DENND1A: variants seen among roughly 807,000 people sequenced by gnomAD.
DENND1A encodes the protein DENN domain containing 1A.
A neutral mutation model predicts 113.7 loss-of-function variants in DENND1A; 51 were observed. The observed-to-expected ratio is 0.45, with a 90% CI of 0.36 to 0.57. DENND1A has a LOEUF of 0.57. DENND1A is among the 20% of genes least tolerant of loss of function. DENND1A has a pLI of 0.00. For synonymous variants in DENND1A, 565 were observed against 570.8 expected (o/e 0.99, Z 0.14); for missense variants, 1,258 against 1,395.9 (o/e 0.90, Z 1.57).
At chr9:123,439,038 C>T (rs1440796876) in intron 19 of DENND1A, among the ~76,000 whole-genome samples, 2 of 152,174 alleles carry the variant, frequency 1.3e-5, no homozygotes, top group Admixed American at 1.3e-4. Context: ...AGGAAGCTGA[C>T]TCTGGAATGC....
chr9:123,784,196 C>T (rs1467203791), intron 3 of DENND1A, among the ~76,000 whole-genome samples: 1 of 152,182 alleles, frequency 6.6e-6, no homozygotes, highest in Non-Finnish European at 1.5e-5. Flanking sequence ...CAAAGTCAGA[C>T]TGTGACCAGC....
chr9:123,400,868 T>C (rs187423693), intron 21 of DENND1A: 15 of 152,282 alleles, frequency 9.9e-5, no homozygotes, highest in African/African-American at 3.1e-4. Flanking sequence ...TAATGTGCAA[T>C]TGGAAGTGAG....
At chr9:123,808,533 A>C (rs922121364) in intron 2 of DENND1A, among the ~76,000 whole-genome samples, 3 of 152,030 alleles carry the variant, frequency 2.0e-5, no homozygotes, top group Non-Finnish European at 4.4e-5. Context: ...GGCAAACGCC[A>C]CTATGCCTGA....
At chr9:123,805,398 T>C (rs1047812687) in intron 2 of DENND1A, among the ~76,000 whole-genome samples, 1 of 152,004 alleles carries the variant, frequency 6.6e-6, no homozygotes, top group African/African-American at 2.4e-5. Context: ...TTATATTTCA[T>C]ATATACCATA....
chr9:123,581,371 T>C (rs958547129), intron 12 of DENND1A, among the ~76,000 whole-genome samples: 14 of 152,150 alleles, frequency 9.2e-5, no homozygotes, highest in Admixed American at 1.3e-4. Flanking sequence ...CAGTGGCTCA[T>C]GCTTGTAATC....
At chr9:123,651,323 A>C (rs1474582713) in intron 9 of DENND1A, among the ~76,000 whole-genome samples, 1 of 152,274 alleles carries the variant, frequency 6.6e-6, no homozygotes, top group East Asian at 1.9e-4. Context: ...TCTAAAATTA[A>C]AGCAAGCCTG....
chr9:123,695,840 A>C (rs1031898025), intron 5 of DENND1A, among the ~76,000 whole-genome samples: 2 of 152,252 alleles, frequency 1.3e-5, no homozygotes, highest in African/African-American at 4.8e-5. Context: ...TTCTAAAATT[A>C]AGTAGAAATG....
intron 13 of DENND1A, among the ~76,000 whole-genome samples, chr9:123,554,121 C>A (rs974082486): frequency 3.9e-5 from 6 of 152,238 alleles, no homozygotes; most frequent in Non-Finnish European, 8.8e-5. Flanking sequence ...TCAGCACACC[C>A]TGGCAGGCTC....
intron 8 of DENND1A, among the ~76,000 whole-genome samples, chr9:123,665,601 C>T (rs4552982): frequency 0.24 from 35,906 of 151,964 alleles, 4,702 homozygotes; most frequent in Admixed American, 0.28. Context: ...GTTCTATAGA[C>T]GACACTTGGA....
At chr9:123,752,874 TA>T (rs1163424283) in intron 5 of DENND1A, among the ~76,000 whole-genome samples, 2 of 152,238 alleles carry the variant, frequency 1.3e-5, no homozygotes, top group African/African-American at 4.8e-5. Flanking sequence ...AACTAATCCG[TA>T]ACTACTGTTC....
chr9:123,741,076 C>A (rs1306370644), intron 5 of DENND1A, among the ~76,000 whole-genome samples: 1 of 152,098 alleles, frequency 6.6e-6, no homozygotes, highest in Non-Finnish European at 1.5e-5. Flanking sequence ...AATTCTTGTA[C>A]CCTCTCAAGG....
chr9:123,453,435 G>C (rs564480272), intron 16 of DENND1A, among the ~76,000 whole-genome samples: 1 of 152,324 alleles, frequency 6.6e-6, no homozygotes, highest in South Asian at 2.1e-4. Context: ...GGCGTATGCT[G>C]TAACAAGTGG....
chr9:123,441,523 A>C (rs982793161), intron 18 of DENND1A, among the ~76,000 whole-genome samples: 5 of 152,238 alleles, frequency 3.3e-5, no homozygotes, highest in Admixed American at 1.3e-4. Context: ...AAGTCAAATT[A>C]TCAGGAAAAG....
intron 5 of DENND1A, among the ~76,000 whole-genome samples, chr9:123,689,840 G>A (rs183633604): frequency 0.011 from 1,660 of 151,636 alleles, 33 homozygotes; most frequent in African/African-American, 0.038. Flanking sequence ...GTGTGGTGGC[G>A]CCTGCCTGTA....
chr9:123,868,109 G>A (rs1213610830), intron 2 of DENND1A, among the ~76,000 whole-genome samples: 1 of 152,096 alleles, frequency 6.6e-6, no homozygotes, highest in African/African-American at 2.4e-5. Flanking sequence ...TGTTCAAGTC[G>A]GATTTCACTG....
chr9:123,519,325 C>T (rs2054198332), intron 13 of DENND1A, among the ~76,000 whole-genome samples: 1 of 152,188 alleles, frequency 6.6e-6, no homozygotes, highest in Non-Finnish European at 1.5e-5. Flanking sequence ...AGCCCTCATT[C>T]CCTCCTCTCT....
intron 5 of DENND1A, among the ~76,000 whole-genome samples, chr9:123,728,707 T>C (rs2067931742): frequency 6.6e-6 from 1 of 152,048 alleles, no homozygotes; most frequent in Non-Finnish European, 1.5e-5. Context: ...GCTATCTGAT[T>C]TGAAGAATTA....
chr9:123,920,913 T>C (rs1273107283), intron 1 of DENND1A, among the ~76,000 whole-genome samples: 1 of 152,108 alleles, frequency 6.6e-6, no homozygotes, highest in Non-Finnish European at 1.5e-5. Flanking sequence ...TCTAATTGTT[T>C]GCACGCTCAT....
chr9:123,537,564 A>G (rs2055879976), intron 13 of DENND1A, among the ~76,000 whole-genome samples: 1 of 152,014 alleles, frequency 6.6e-6, no homozygotes, highest in African/African-American at 2.4e-5. Context: ...AGGATGTATG[A>G]AATTGTATTC....
Sources: gnomAD v4.1 joint callset for allele counts (sites outside exome capture counted in the v4.1 genomes callset) on GRCh38, gnomAD v4.1.1 for gene constraint, MANE v1.5 for transcripts, NCBI Gene and HGNC (gene_info 2026-07-23, HGNC 2026-07-21) for gene names.